The following SH3BP1 variants were observed in gnomAD, a reference collection of about 807,000 sequenced individuals.
SH3BP1 encodes SH3 domain-binding protein 1.
Under a neutral mutation model 69.8 loss-of-function variants are expected in SH3BP1, and 46 were observed. The ratio of observed to expected loss-of-function variants is 0.66; its 90% CI spans 0.52 to 0.84. The LOEUF (loss-of-function observed/expected upper bound fraction) is 0.84, where lower values mean the gene tolerates loss of function less well. Ranked by LOEUF, SH3BP1 falls within the 40% of genes least tolerant of loss-of-function variation. SH3BP1 has a pLI of 0.00. For missense variants in SH3BP1, 868 were observed against 930.9 expected (o/e 0.93, Z 0.88); for synonymous variants, 403 against 378.0 (o/e 1.07, Z -0.77).
At chr22:37,650,443 G>C in intron 15 of SH3BP1, 99 bp from the exon 16 acceptor site, 2 of 1,510,294 alleles carry the variant, frequency 1.3e-6, no homozygotes, top group South Asian at 2.6e-5. Flanking sequence ...AGCTGAACAT[G>C]GTCCAGATGG....
Position 37,642,972 on chromosome 22 carries a change from G to A in SH3BP1, c.362G>A (p.Arg121Lys), listed in dbSNP as rs1365525277. The change falls in exon 5 of 18, where the codon AGG becomes AAG. Residue 121 changes from arginine to lysine, a missense_variant. Arg to Lys is a conservative substitution (Grantham distance 26, BLOSUM62 2). Around this residue, in one of 3 missense-constraint regions of SH3BP1, gnomAD observed 387 missense variants for 447.9 expected, o/e 0.86. Transcript: ENST00000649765. ...ILAEFEMTLE[R>K]DVLQPLSRLS... ...GCCGAGTTTGAGATGACCCTGGAGA[G>A]GGACGTCCTGCAGCCACTCAGCAGG... 4.3e-6 allele frequency: 7 copies of A among 1,612,812 alleles called. No homozygotes were observed. The highest frequency in any genetic ancestry group is 5.9e-6 in the Non-Finnish European group (7 of 1,179,992).
Position 37,641,114 on chromosome 22 carries a change from C to CAA in SH3BP1, c.60-11_60-10insAA. The stretch of plus-strand genomic sequence containing the variant: ...GAAGCACTCTCCCCCCCCCCCCCAC[C>CAA]ACTCCCCGCAGCACCCCGGAGACCG... On this transcript the variant is annotated splice_polypyrimidine_tract_variant and intron_variant, in intron 1 of 17. Transcript: ENST00000649765. The CAA allele has an allele frequency of 7.4e-7, 1 of 1,358,290 alleles. No homozygotes were observed. The highest frequency in any genetic ancestry group is 1.5e-5 in the African/African-American group (1 of 67,596). The allele number at this position is 1,358,290 out of a possible 1,614,324, so 84.1% of individuals were successfully genotyped here. A position where few individuals can be genotyped will look rare whatever the true frequency, so the allele number is the denominator to read the frequency against.
intron 1 of SH3BP1, among the ~76,000 whole-genome samples, chr22:37,640,201 TCAC>T (rs1276951961): frequency 6.6e-6 from 1 of 152,012 alleles, no homozygotes; most frequent in Non-Finnish European, 1.5e-5. Context: ...ATGGGACAGT[TCAC>T]CACCTCTGCT....
intron 9 of SH3BP1, 150 bp downstream of exon 9, chr22:37,645,110 C>A: frequency 1.2e-6 from 1 of 863,336 alleles, no homozygotes. Flanking sequence ...GCAGCTCTGG[C>A]TACTGTGTGG....
At chr22:37,645,597 T>A in intron 10 of SH3BP1, 87 bp downstream of exon 10, 1 of 1,450,818 alleles carries the variant, frequency 6.9e-7, no homozygotes, top group Non-Finnish European at 9.3e-7. Flanking sequence ...TCCGGGTGCC[T>A]GTAATTCCCT....
intron 13 of SH3BP1, 61 bp from the exon 14 acceptor site, chr22:37,648,258 C>A: frequency 8.6e-7 from 1 of 1,168,136 alleles, no homozygotes; most frequent in South Asian, 1.3e-5. Context: ...AAACCCTGGG[C>A]TGGAGAATTC....
At chr22:37,648,862 C>T (rs1932829510) in intron 14 of SH3BP1, 1 of 172,702 alleles carries the variant, frequency 5.8e-6, no homozygotes, top group Non-Finnish European at 1.3e-5. Context: ...CACCACCACT[C>T]CCGGCTAATT....
chr22:37,641,779 GT>G, intron 3 of SH3BP1: 1 of 352,186 alleles, frequency 2.8e-6, no homozygotes, highest in Admixed American at 4.4e-5. Context: ...GCCTCAGAGG[GT>G]TTCCTGAAGG....
intron 10 of SH3BP1, among the ~76,000 whole-genome samples, 200 bp downstream of exon 10, chr22:37,645,710 G>A (rs1932775767): frequency 6.6e-6 from 1 of 152,158 alleles, no homozygotes; most frequent in South Asian, 2.1e-4. Context: ...TGTACTAGAA[G>A]CCTTTGCATT....
At chr22:37,653,910 G>A (rs769575907) in intron 17 of SH3BP1, 37 bp downstream of exon 17, 47 of 1,288,146 alleles carry the variant, frequency 3.6e-5, no homozygotes, top group Admixed American at 5.3e-5. Flanking sequence ...GGGACAGAGG[G>A]TGGGCGGGGA....
In SH3BP1 at chr22:37,646,916, G is replaced by A. The variant is rs781233828; in HGVS notation, c.1023G>A (p.Pro341=). Residue 341 remains proline, a synonymous_variant, in exon 11 of 18, where the codon CCG becomes CCA. Coordinates refer to ENST00000649765, the MANE Select transcript of SH3BP1 (RefSeq NM_018957.6). ...PHSLEEFCSD[P]HAVAGALKSY... is the part of the protein sequence containing the mutation. ...GCCTGGAGGAGTTCTGCTCCGACCC[G>A]CACGCTGTGGCAGGTGCCTGATCCG... 1.7e-5 allele frequency: 26 copies of A among 1,546,020 alleles called. No individual in the cohort carries two copies. The highest frequency in any genetic ancestry group is 2.3e-5 in the East Asian group (1 of 42,556).
rs1932770038 is a variant in SH3BP1 at position 37,645,530 on chromosome 22, GTGGGGAAGGAGCAC to G, written c.924+26_924+39del. 1 of 1,597,774 alleles carries G rather than the reference GTGGGGAAGGAGCAC, an allele frequency of 6.3e-7. No homozygotes were observed. Among genetic ancestry groups the G allele is most frequent in the African/African-American group, 1.3e-5 (1 of 74,694 alleles). ...GAAGAGGTGGGGTCCCCTGGGGCAGGTGGGGAAGGAGCACTGGGGCCCTCATTCTGTCCCAAACC... is the reference window on the plus strand; with the variant it reads ...GAAGAGGTGGGGTCCCCTGGGGCAGGTGGGGCCCTCATTCTGTCCCAAACC... On this transcript the variant is annotated intron_variant, in intron 10 of 17. Coordinates refer to ENST00000649765, the MANE Select transcript of SH3BP1 (RefSeq NM_018957.6).
intron 7 of SH3BP1, 89 bp from the exon 8 acceptor site, chr22:37,644,548 G>A: frequency 7.9e-7 from 1 of 1,258,126 alleles, no homozygotes; most frequent in South Asian, 1.2e-5. Context: ...GTGTGGCCTG[G>A]GGGAGGTCAC....
intron 7 of SH3BP1, 53 bp from the exon 8 acceptor site, chr22:37,644,584 C>G: frequency 6.3e-7 from 1 of 1,577,018 alleles, no homozygotes; most frequent in Non-Finnish European, 8.7e-7. Context: ...TCCTCTTCCC[C>G]TCTAGACCCC....
chr22:37,642,877 G>C lies in SH3BP1; in HGVS notation c.285-18G>C. ...GAGGGCAGCGGGCGCCTGGACCCAT[G>C]GGGTGCCGTGTCCACAGGAAGGCCT... On this transcript the variant is annotated intron_variant, in intron 4 of 17. Coordinates refer to ENST00000649765, the MANE Select transcript of SH3BP1 (RefSeq NM_018957.6). 6.2e-7 allele frequency: 1 copy of C among 1,607,944 alleles called. No individual in the cohort carries two copies. The highest frequency in any genetic ancestry group is 1.1e-5 in the South Asian group (1 of 90,980).
Position 37,655,262 on chromosome 22 carries a change from TC to T in SH3BP1, c.1694-8del, listed in dbSNP as rs1569012610. On this transcript the variant is annotated splice_polypyrimidine_tract_variant and intron_variant, in intron 17 of 17. Transcript: ENST00000649765. ...CACTCAGCCTCCCTCACCCTTTCCT[TC>T]CTCAACAGCCAAGCGCCCGGCGCCA... is the stretch of plus-strand genomic sequence containing the variant. 4 of 1,581,074 alleles carry T rather than the reference TC, an allele frequency of 2.5e-6. No homozygotes were observed. Among genetic ancestry groups the T allele is most frequent in the Admixed American group, 1.7e-5 (1 of 57,258 alleles).
intron 14 of SH3BP1, among the ~76,000 whole-genome samples, chr22:37,649,603 G>GT (rs1271855002): frequency 1.3e-5 from 2 of 152,132 alleles, no homozygotes; most frequent in African/African-American, 4.8e-5. Context: ...GGCCAACATG[G>GT]TGAAACTCCG....
In SH3BP1 at chr22:37,655,813, C is replaced by A. The variant is rs545099292; in HGVS notation, c.*129C>A. The stretch of plus-strand genomic sequence containing the variant: ...TTGCCCACAAGTGCCTCAGTGCCCA[C>A]TGGGTCGGCCCCCATGGCCAGGAGG... On this transcript the variant is annotated 3_prime_UTR_variant, in exon 18 of 18. Coordinates refer to ENST00000649765, the MANE Select transcript of SH3BP1 (RefSeq NM_018957.6). 3 of 1,460,580 alleles carry A rather than the reference C, an allele frequency of 2.1e-6. No individual in the cohort carries two copies. In the South Asian group the frequency reaches 4.3e-5, roughly 21 times the overall value. The allele number at this position is 1,460,580 out of a possible 1,614,324, so 90.5% of individuals were successfully genotyped here. A position where few individuals can be genotyped will look rare whatever the true frequency, so the allele number is the denominator to read the frequency against.
At chr22:37,647,898 A>G (rs567514396) in intron 13 of SH3BP1, among the ~76,000 whole-genome samples, 1 of 150,692 alleles carries the variant, frequency 6.6e-6, no homozygotes, top group East Asian at 2.0e-4. Context: ...CTGGTCTTGA[A>G]CTCCTGACCT....
Sources: gnomAD v4.1 joint callset for allele counts (sites outside exome capture counted in the v4.1 genomes callset) on GRCh38, gnomAD v4.1.1 for gene constraint, gnomAD v4.1.1 regional missense constraint, MANE v1.5 for transcripts, NCBI Gene and HGNC (gene_info 2026-07-23, HGNC 2026-07-21) for gene names.